The following IP6K3 variants were observed in gnomAD, a reference collection of about 807,000 sequenced individuals.
IP6K3 encodes the protein ATP:1D-myo-inositol-hexakisphosphate phosphotransferase.
Under a neutral mutation model 28.8 loss-of-function variants are expected in IP6K3, and 20 were observed. The ratio of observed to expected loss-of-function variants is 0.70; its 90% confidence interval spans 0.49 to 1.01. IP6K3 has a LOEUF of 1.01. Among genes scored for constraint, IP6K3 ranks in the 50% least tolerant of loss-of-function variants. The probability of loss-of-function intolerance (pLI) is 0.00; values close to 1 mark genes in which losing one functional copy is unlikely to be tolerated. For missense variants in IP6K3, 480 were observed against 537.1 expected (o/e 0.89, Z 1.05); for synonymous variants, 213 against 221.3 (o/e 0.96, Z 0.33).
At chr6:33,724,126 C>T (rs541348871) in intron 5 of IP6K3, among the ~76,000 whole-genome samples, 45 of 152,284 alleles carry the variant, frequency 3.0e-4, no homozygotes, top group Non-Finnish European at 5.4e-4. Context: ...TGAAAAAAAT[C>T]GGAAAGATAT....
the IP6K3 span, among the ~76,000 whole-genome samples, chr6:33,759,177 C>T: frequency 1.3e-5 from 2 of 152,192 alleles, no homozygotes; most frequent in African/African-American, 4.8e-5. Context: ...AGAACTGAGT[C>T]GGCCAACAGA....
chr6:33,753,706 T>C, the IP6K3 span, among the ~76,000 whole-genome samples: 2 of 152,118 alleles, frequency 1.3e-5, no homozygotes, highest in Non-Finnish European at 2.9e-5. Flanking sequence ...ACTTTATAGC[T>C]CACGTGGACT....
intron 1 of IP6K3, among the ~76,000 whole-genome samples, chr6:33,738,486 G>A (rs750342043): frequency 2.6e-5 from 4 of 152,196 alleles, no homozygotes; most frequent in Admixed American, 6.5e-5. Flanking sequence ...TGCATACAGC[G>A]CTTGCTGTAG....
the IP6K3 span, among the ~76,000 whole-genome samples, chr6:33,756,357 G>A: frequency 6.6e-6 from 1 of 151,930 alleles, no homozygotes; most frequent in Non-Finnish European, 1.5e-5. Flanking sequence ...TGTGGGAAGA[G>A]GAGGCCAGGA....
the IP6K3 span, among the ~76,000 whole-genome samples, chr6:33,759,734 G>A: frequency 4.6e-5 from 7 of 152,096 alleles, no homozygotes; most frequent in Admixed American, 2.6e-4. Flanking sequence ...CTAGCTGGGC[G>A]TGGTGGCGGG....
intron 5 of IP6K3, among the ~76,000 whole-genome samples, chr6:33,723,490 T>C (rs191563487): frequency 5.1e-4 from 77 of 152,370 alleles, no homozygotes; most frequent in African/African-American, 1.7e-3. Context: ...GAATTTCCAA[T>C]GTCAACCTCC....
Position 33,744,293 on chromosome 6 carries a change from C to A in IP6K3, c.-180+2465G>T, listed in dbSNP as rs78193082. On this transcript the variant is annotated intron_variant, in intron 1 of 5. Transcript: ENST00000293756. The surrounding 1 kb of genome is among the most constrained non-coding windows in gnomAD (Gnocchi z 4.4). ...CTACACATTTCCCAGCCTCCAACAC[C>A]CTGCCCCACACCTGCTGCCTTCCTC... Among the ~76,000 whole-genome samples, 484 of 152,280 alleles carry A rather than the reference C, an allele frequency of 3.2e-3. 1 individual carries two copies. Among genetic ancestry groups the A allele is most frequent in the African/African-American group, 6.5e-3 (270 of 41,550 alleles).
intron 1 of IP6K3, among the ~76,000 whole-genome samples, chr6:33,736,947 C>A (rs867939748): frequency 6.6e-6 from 1 of 152,228 alleles, no homozygotes; most frequent in African/African-American, 2.4e-5. Flanking sequence ...TAAATCTGAT[C>A]ATTATTTCTA....
At chr6:33,728,608 G>A (rs1194966013) in intron 2 of IP6K3, among the ~76,000 whole-genome samples, 1 of 152,160 alleles carries the variant, frequency 6.6e-6, no homozygotes, top group African/African-American at 2.4e-5. Context: ...TTGTCCTTGC[G>A]TTCCAGTTCC....
At chr6:33,743,894 C>T (rs1379146638) in intron 1 of IP6K3, among the ~76,000 whole-genome samples, 1 of 151,636 alleles carries the variant, frequency 6.6e-6, no homozygotes, top group Admixed American at 6.6e-5. Flanking sequence ...TTAAAATCTC[C>T]CAACATTTCT....
At position 33,726,783 on chromosome 6, in the gene IP6K3, GT is replaced by G; in HGVS notation, c.536del (p.His179ProfsTer5). 6.2e-7 allele frequency: 1 copy of G among 1,610,974 alleles called. No homozygotes were observed. Among genetic ancestry groups the G allele is most frequent in the Middle Eastern group, 1.7e-4 (1 of 5,928 alleles). On this transcript the variant is annotated frameshift_variant, in exon 4 of 6. Coordinates refer to ENST00000293756, the MANE Select transcript of IP6K3 (RefSeq NM_054111.5). LOFTEE classifies it high-confidence loss of function. ...KSFNPWGLQC[H>X]QAHLTRLCSE... is the part of the protein sequence containing the mutation. ...AGCACAGGCGGGTCAGGTGGGCCTG[GT>G]GGCATTGCAGGCCCCACGGGTTGAA... is the stretch of plus-strand genomic sequence containing the variant.
intron 3 of IP6K3, 33 bp from the exon 4 acceptor site, chr6:33,726,939 C>G (rs1401174813): frequency 6.4e-7 from 1 of 1,554,132 alleles, no homozygotes; most frequent in African/African-American, 1.4e-5. Flanking sequence ...ACGGTCAGAG[C>G]AGAGGTCTGG....
At chr6:33,758,552 C>T in the IP6K3 span, among the ~76,000 whole-genome samples, 1 of 152,160 alleles carries the variant, frequency 6.6e-6, no homozygotes, top group Non-Finnish European at 1.5e-5. Flanking sequence ...GAATAAACAA[C>T]AACCAACAGG....
rs1439982238 is a variant in IP6K3 at position 33,726,792 on chromosome 6, C to G, written c.528G>C (p.Leu176=). Residue 176 remains leucine, a synonymous_variant, in exon 4 of 6, where the codon CTG becomes CTC. Coordinates refer to ENST00000293756, the MANE Select transcript of IP6K3 (RefSeq NM_054111.5). ...GGGTCAGGTGGGCCTGGTGGCATTG[C>G]AGGCCCCACGGGTTGAAGCTCTTCC... is the stretch of plus-strand genomic sequence containing the variant. ...VERKSFNPWG[L]QCHQAHLTRL... is the part of the protein sequence containing the mutation. 12 of 1,611,890 alleles carry G rather than the reference C, an allele frequency of 7.4e-6. No individual in the cohort carries two copies. Among genetic ancestry groups the G allele is most frequent in the Non-Finnish European group, 1.0e-5 (12 of 1,178,606 alleles).
At chr6:33,759,390 C>T in the IP6K3 span, among the ~76,000 whole-genome samples, 1 of 152,142 alleles carries the variant, frequency 6.6e-6, no homozygotes, top group Admixed American at 6.5e-5. Context: ...TACAGGCACG[C>T]ACCACTACAC....
At chr6:33,760,816 G>A in the IP6K3 span, among the ~76,000 whole-genome samples, 12 of 151,990 alleles carry the variant, frequency 7.9e-5, no homozygotes, top group African/African-American at 2.4e-4. Flanking sequence ...GTGAGCCATC[G>A]CGCCTGGGCC....
chr6:33,724,842 C>T (rs553957247), intron 5 of IP6K3, among the ~76,000 whole-genome samples: 2 of 152,192 alleles, frequency 1.3e-5, no homozygotes, highest in South Asian at 2.1e-4. Flanking sequence ...ACAACATGAG[C>T]AGGAGCCACA....
At position 33,726,848 on chromosome 6, in the gene IP6K3, C is replaced by G; in HGVS notation, c.472G>C (p.Val158Leu). 2 of 1,613,482 alleles carry G rather than the reference C, an allele frequency of 1.2e-6. No individual in the cohort carries two copies. Among genetic ancestry groups the G allele is most frequent in the South Asian group, 1.1e-5 (1 of 91,020 alleles). The change falls in exon 4 of 6, where the codon GTG (valine) becomes CTG (leucine). Residue 158 changes from valine (V) to leucine (L), a missense_variant. Coordinates refer to ENST00000293756, the MANE Select transcript of IP6K3 (RefSeq NM_054111.5). ...PHLNTPAFSL[V>L]EDTNGNQVER... ...ACCTGGTTTCCGTTGGTGTCTTCCA[C>G]CAGCGAGAAGGCTGGAGTGTTGAGG...
intron 1 of IP6K3, among the ~76,000 whole-genome samples, chr6:33,740,196 T>A (rs1056176701): frequency 6.6e-6 from 1 of 152,028 alleles, no homozygotes; most frequent in East Asian, 1.9e-4. Flanking sequence ...TGGGGAGGCA[T>A]AGGGGGAGTA....
Sources: allele counts gnomAD v4.1 joint callset (sites outside exome capture counted in the v4.1 genomes callset), GRCh38; gene constraint gnomAD v4.1.1; non-coding constraint Gnocchi (gnomAD v3.1); transcripts MANE v1.5; gene names NCBI Gene and HGNC (gene_info 2026-07-23, HGNC 2026-07-21).